Variants in CFAP46 observed in about 807,000 individuals in gnomAD.
CFAP46 encodes the protein cilia and flagella associated protein 46.
Under a neutral mutation model 325.7 loss-of-function variants are expected in CFAP46, and 245 were observed. That is an observed-to-expected ratio of 0.75 (90% confidence interval 0.68 to 0.84). The LOEUF (loss-of-function observed/expected upper bound fraction) is 0.84, where lower values mean the gene tolerates loss of function less well. Ranked by LOEUF, CFAP46 falls within the 40% of genes least tolerant of loss-of-function variation. The pLI is 0.00. For synonymous variants in CFAP46, 1,523 were observed against 1,495.9 expected (o/e 1.02, Z -0.42); for missense variants, 3,346 against 3,543.0 (o/e 0.94, Z 1.41).
Position 132,886,049 on chromosome 10 carries a change from G to GT in CFAP46, c.3305-91dup, listed in dbSNP as rs1849126222. ...CTCCCAGACTAAGCTGCCCATCACA[G>GT]TGCCCCTGAGGTGGAACCGCGGCTA... On this transcript the variant is annotated intron_variant, in intron 25 of 57. Transcript: ENST00000368586. This position sits in a 1 kb window ranked among gnomAD's most constrained non-coding sequence, Gnocchi z 5.8. The GT allele has an allele frequency of 2.0e-6, 3 of 1,485,082 alleles. No homozygotes were observed. The highest frequency in any genetic ancestry group is 2.7e-6 in the Non-Finnish European group (3 of 1,102,036). 92.0% of individuals were successfully genotyped at this position (1,485,082 alleles called of 1,614,324 possible).
chr10:132,916,697 T>G lies in CFAP46; in HGVS notation c.1987-15A>C, dbSNP rs1849645108. The G allele has an allele frequency of 3.4e-6, 5 of 1,451,494 alleles. No homozygotes were observed. The highest frequency in any genetic ancestry group is 1.5e-5 in the African/African-American group (1 of 68,832). 89.9% of individuals were successfully genotyped at this position (1,451,494 alleles called of 1,614,324 possible). A position where few individuals can be genotyped will look rare whatever the true frequency, so the allele number is the denominator to read the frequency against. ...TGAACCGTGGCCTGCAAAACACACA[T>G]GCGGTGGGAGGGGTCATGGGCGGAG... On this transcript the variant is annotated splice_polypyrimidine_tract_variant and intron_variant, in intron 16 of 57. Transcript: ENST00000368586.
At chr10:132,868,133 C>T (rs996355010) in intron 33 of CFAP46, among the ~76,000 whole-genome samples, 3 of 152,224 alleles carry the variant, frequency 2.0e-5, no homozygotes, top group Non-Finnish European at 4.4e-5. Flanking sequence ...GAGGCCTGCA[C>T]GCCCCTCTGC....
intron 49 of CFAP46, 37 bp downstream of exon 49, chr10:132,834,004 G>C: frequency 6.3e-7 from 1 of 1,593,546 alleles, no homozygotes; most frequent in Non-Finnish European, 8.6e-7. Context: ...GGCGGGATGA[G>C]CTCCCCAGGC....
intron 39 of CFAP46, among the ~76,000 whole-genome samples, chr10:132,853,240 T>C (rs1848588744): frequency 6.6e-6 from 1 of 152,260 alleles, no homozygotes; most frequent in East Asian, 1.9e-4. Context: ...AATTGTTTGC[T>C]AGGAGTGTTT....
chr10:132,814,091 TC>T, intron 54 of CFAP46, 60 bp downstream of exon 54: 1 of 1,390,386 alleles, frequency 7.2e-7, no homozygotes, highest in Non-Finnish European at 1.0e-6. Flanking sequence ...GGGCAGTGGC[TC>T]CCCGCTGGAC....
intron 15 of CFAP46, among the ~76,000 whole-genome samples, chr10:132,918,846 G>A (rs1188378534): frequency 6.6e-6 from 1 of 152,158 alleles, no homozygotes; most frequent in Non-Finnish European, 1.5e-5. Context: ...CCTGACTCCT[G>A]CAGGACTCCC....
chr10:132,822,814 GTGTGC>G lies in CFAP46; in HGVS notation c.7118-7905_7118-7901del, dbSNP rs1485021388. 2.5e-3 allele frequency among the ~76,000 whole-genome samples: 263 copies of G among 105,206 alleles called. 1 individual carries two copies. Among genetic ancestry groups the G allele is most frequent in the Non-Finnish European group, 3.7e-3 (170 of 46,098 alleles). 69.0% of individuals were successfully genotyped at this position (105,206 alleles called of 152,430 possible). A position where few individuals can be genotyped will look rare whatever the true frequency, so the allele number is the denominator to read the frequency against. ...TGCTGTGTGTGTGCTGATGTGTGCT[GTGTGC>G]TGTGTGTGCTGATGTGTGCTGATGT... On this transcript the variant is annotated intron_variant, in intron 50 of 57. Coordinates refer to ENST00000368586, the MANE Select transcript of CFAP46 (RefSeq NM_001200049.3).
rs1005213692 is a variant in CFAP46, at chr10:132,877,160, C to T, written c.4213-199G>A. Among the ~76,000 whole-genome samples, 1 of 152,200 alleles carries T rather than the reference C, an allele frequency of 6.6e-6. No individual in the cohort carries two copies. The highest frequency in any genetic ancestry group is 2.4e-5 in the African/African-American group (1 of 41,444). On this transcript the variant is annotated intron_variant, in intron 30 of 57. Transcript: ENST00000368586. The surrounding 1 kb of genome is among the most constrained non-coding windows in gnomAD (Gnocchi z 5.7). ...GCAGTGCACGCAAAGCTTTCTGCCC[C>T]GTGCACAGCCAGAGTTGGCCTGGGG...
chr10:132,910,075 C>G lies in CFAP46; in HGVS notation c.2500-7G>C, dbSNP rs1185136929. On this transcript the variant is annotated splice_region_variant and splice_polypyrimidine_tract_variant and intron_variant, in intron 19 of 57. Coordinates refer to ENST00000368586, the MANE Select transcript of CFAP46 (RefSeq NM_001200049.3). ...TCAGGGCAAACTCGCAGACCTAGGACAGACGTGTTCTCGGTCACGAAACCT... is the reference window on the plus strand; with the variant it reads ...TCAGGGCAAACTCGCAGACCTAGGAGAGACGTGTTCTCGGTCACGAAACCT... The G allele has an allele frequency of 7.0e-7, 1 of 1,430,462 alleles. No homozygotes were observed. Among genetic ancestry groups the G allele is most frequent in the Non-Finnish European group, 9.2e-7 (1 of 1,087,790 alleles). 88.6% of individuals were successfully genotyped at this position (1,430,462 alleles called of 1,614,324 possible).
In CFAP46 at chr10:132,881,045, A is replaced by G; in HGVS notation, c.3628-13T>C. 6.5e-7 allele frequency: 1 copy of G among 1,549,970 alleles called. No homozygotes were observed. ...CCATCTCAGGCTTCTGTGGGATTGA[A>G]CAGGAAGGGTGACATCCTCAGGATG... On this transcript the variant is annotated splice_polypyrimidine_tract_variant and intron_variant, in intron 27 of 57. Transcript: ENST00000368586.
At position 132,889,652 on chromosome 10, in the gene CFAP46, G is replaced by T. The variant is rs551494380; in HGVS notation, c.3304+2681C>A. On this transcript the variant is annotated intron_variant, in intron 25 of 57. Transcript: ENST00000368586. The surrounding 1 kb of genome is among the most constrained non-coding windows in gnomAD (Gnocchi z 6.0). Reference sequence around the variant, plus strand: ...CACAGCCATGTCCTGGGACCACCCAGTACACATCCAATTCACGGGCGGAGG... The same window carrying T: ...CACAGCCATGTCCTGGGACCACCCATTACACATCCAATTCACGGGCGGAGG... 2.0e-5 allele frequency among the ~76,000 whole-genome samples: 3 copies of T among 152,220 alleles called. No homozygotes were observed. Among genetic ancestry groups the T allele is most frequent in the African/African-American group, 7.2e-5 (3 of 41,452 alleles).
At chr10:132,924,259 G>C (rs11146046) in intron 11 of CFAP46, among the ~76,000 whole-genome samples, 2,071 of 149,686 alleles carry the variant, frequency 0.014, 26 homozygotes, top group Non-Finnish European at 0.017. Context: ...ATGGTCCACC[G>C]TGATGCCTGC....
chr10:132,821,711 G>A (rs1267561637), intron 50 of CFAP46, among the ~76,000 whole-genome samples: 135 of 127,914 alleles, frequency 1.1e-3, no homozygotes, highest in Non-Finnish European at 1.8e-3. Context: ...GTGTGCTGAC[G>A]TGTGCTGTGT....
In CFAP46 at chr10:132,859,158, C is replaced by T. The variant is rs193132182; in HGVS notation, c.5288G>A (p.Gly1763Asp). 1.9e-6 allele frequency: 3 copies of T among 1,550,856 alleles called. No homozygotes were observed. In the East Asian group the frequency reaches 7.3e-5, roughly 38 times the overall value. ...AAACTTTCTCTCAATTTCCAACAGG[C>T]CATCATCCATCTCTTTCAGTAGCAA... ...CSLLLKEMDDGLLEIERKFID... is the reference protein window; with the variant it reads ...CSLLLKEMDDDLLEIERKFID... The change falls in exon 38 of 58, where the codon GGC becomes GAC. Residue 1763 changes from glycine to aspartate, a missense_variant. By Grantham distance (94) the Gly-to-Asp change is moderately conservative. Coordinates refer to ENST00000368586, the MANE Select transcript of CFAP46 (RefSeq NM_001200049.3).
In CFAP46 at chr10:132,833,362, C is replaced by G. The variant is rs1848182197; in HGVS notation, c.7113G>C (p.Glu2371Asp). 4 of 1,613,402 alleles carry G rather than the reference C, an allele frequency of 2.5e-6. No homozygotes were observed. Among genetic ancestry groups the G allele is most frequent in the Non-Finnish European group, 3.4e-6 (4 of 1,179,596 alleles). The change falls in exon 50 of 58, where the codon GAG (glutamate) becomes GAC (aspartate). Residue 2371 changes from glutamate to aspartate, a missense_variant. Physicochemically the swap from Glu to Asp is conservative, Grantham distance 45. Transcript: ENST00000368586. ...GTGGCTGAGGGCAGTTCCTACCTGT[C>G]TCTTCTTTATGGAGGCGATTCCACA... ...QMLWNRLHKE[E>D]TEGGVKKEGR...
chr10:132,836,231 C>G lies in CFAP46; in HGVS notation c.6537-13G>C, dbSNP rs570952380. The G allele has an allele frequency of 6.2e-7, 1 of 1,610,832 alleles. No individual in the cohort carries two copies. The highest frequency in any genetic ancestry group is 8.5e-7 in the Non-Finnish European group (1 of 1,179,538). ...GTACAGACGGGACCTGCTGGCAGGA[C>G]GTGGGCCAGGGTCGCAGGCAAGCCA... On this transcript the variant is annotated splice_polypyrimidine_tract_variant and intron_variant, in intron 45 of 57. Coordinates refer to ENST00000368586, the MANE Select transcript of CFAP46 (RefSeq NM_001200049.3).
chr10:132,880,912 G>A lies in CFAP46; in HGVS notation c.3748C>T (p.Leu1250=). The A allele has an allele frequency of 1.3e-6, 2 of 1,550,336 alleles. No homozygotes were observed. The highest frequency in any genetic ancestry group is 1.7e-6 in the Non-Finnish European group (2 of 1,146,982). Residue 1250 remains leucine (L), a synonymous_variant, in exon 28 of 58, where the codon CTG becomes TTG. Transcript: ENST00000368586. ...ACATCGCCGGGCGGCTTCATGGCCA[G>A]CAGGATCTCGACAGCCCAGCGGAGG... The part of the protein sequence containing the change: ...FHLRWAVEIL[L]AMKPPGDVPE...
At chr10:132,937,166 T>C (rs1850021189) in intron 6 of CFAP46, 111 bp from the exon 7 acceptor site, 2 of 608,660 alleles carry the variant, frequency 3.3e-6, no homozygotes, top group Non-Finnish European at 5.2e-6. Context: ...GCTTTTCAGA[T>C]ACAACTTAAG....
intron 50 of CFAP46, among the ~76,000 whole-genome samples, chr10:132,830,870 G>A (rs1280700982): frequency 6.6e-6 from 1 of 152,170 alleles, no homozygotes; most frequent in African/African-American, 2.4e-5. Context: ...GATAGAAATA[G>A]CAGCCATTGC....
Sources: gnomAD v4.1 joint callset for allele counts (sites outside exome capture counted in the v4.1 genomes callset) on GRCh38, gnomAD v4.1.1 for gene constraint, Gnocchi (gnomAD v3.1) non-coding constraint, MANE v1.5 for transcripts, NCBI Gene and HGNC (gene_info 2026-07-23, HGNC 2026-07-21) for gene names.